The following ENOX1 variants were observed in gnomAD, a reference collection of about 807,000 sequenced individuals.
ENOX1 encodes ecto-NOX disulfide-thiol exchanger 1, also known as candidate growth-related and time keeping constitutive hydroquinone (NADH) oxidase.
Under a neutral mutation model 82.5 loss-of-function variants are expected in ENOX1, and 42 were observed. That is an observed-to-expected ratio of 0.51 (90% confidence interval 0.40 to 0.66). The LOEUF (loss-of-function observed/expected upper bound fraction) is 0.66, where lower values mean the gene tolerates loss of function less well. Ranked by LOEUF, ENOX1 falls within the 30% of genes least tolerant of loss-of-function variation. The pLI is 0.00. For missense variants in ENOX1, 608 were observed against 811.6 expected, an observed-to-expected ratio of 0.75 and a Z score of 3.05; for synonymous variants, 271 against 282.2, an observed-to-expected ratio of 0.96 and a Z score of 0.40.
intron 2 of ENOX1, among the ~76,000 whole-genome samples, chr13:43,494,998 T>G (rs1405928823): frequency 6.6e-6 from 1 of 152,024 alleles, no homozygotes; most frequent in Middle Eastern, 3.2e-3. Flanking sequence ...AATGTGGAGA[T>G]TCAAGAGGGG....
At chr13:43,602,090 A>C (rs1202654516) in intron 2 of ENOX1, among the ~76,000 whole-genome samples, 1 of 152,144 alleles carries the variant, frequency 6.6e-6, no homozygotes, top group Non-Finnish European at 1.5e-5. Flanking sequence ...TGAAACAAAT[A>C]ATATTTTTAG....
chr13:43,684,747 A>C (rs1404341456), intron 1 of ENOX1, among the ~76,000 whole-genome samples: 1 of 152,342 alleles, frequency 6.6e-6, no homozygotes, highest in East Asian at 1.9e-4. Flanking sequence ...GGAACAAGTA[A>C]GAGCTAAACT....
chr13:43,275,868 A>G (rs1474755452), intron 12 of ENOX1, among the ~76,000 whole-genome samples: 1 of 152,158 alleles, frequency 6.6e-6, no homozygotes, highest in South Asian at 2.1e-4. Context: ...TACAATGGCT[A>G]TAACTAGTAT....
In ENOX1 at chr13:43,343,713, C is replaced by A. The variant is rs78226044; in HGVS notation, c.1036+825G>T. Among the ~76,000 whole-genome samples the A allele has an allele frequency of 1.3e-3, 195 of 152,202 alleles. 4 individuals are homozygous for A. In the East Asian group the frequency reaches 0.025, roughly 19 times the overall value. Reference sequence around the variant, plus strand: ...GAAATATACATCCCATATGTCACTACCACATAGGGCCCTGCACCTGGTATG... The same window carrying A: ...GAAATATACATCCCATATGTCACTAACACATAGGGCCCTGCACCTGGTATG... On this transcript the variant is annotated intron_variant, in intron 9 of 16. Transcript: ENST00000690772.
At chr13:43,608,222 TG>T (rs1270775264) in intron 2 of ENOX1, among the ~76,000 whole-genome samples, 2 of 152,252 alleles carry the variant, frequency 1.3e-5, no homozygotes, top group African/African-American at 2.4e-5. Context: ...GTGTCATTTC[TG>T]GTTGAATTTC....
At chr13:43,496,079 T>C (rs1030686727) in intron 2 of ENOX1, among the ~76,000 whole-genome samples, 5 of 152,160 alleles carry the variant, frequency 3.3e-5, no homozygotes, top group African/African-American at 7.2e-5. Flanking sequence ...TTTTCATACA[T>C]ATGTATTGCA....
At chr13:43,778,598 G>A (rs1952062665) in intron 1 of ENOX1, among the ~76,000 whole-genome samples, 1 of 152,142 alleles carries the variant, frequency 6.6e-6, no homozygotes, top group African/African-American at 2.4e-5. Flanking sequence ...ACAAAATGAT[G>A]CACCACAGAT....
At chr13:43,715,172 C>T (rs962465658) in intron 1 of ENOX1, among the ~76,000 whole-genome samples, 7 of 152,156 alleles carry the variant, frequency 4.6e-5, no homozygotes, top group African/African-American at 1.7e-4. Flanking sequence ...ACTTATGAAG[C>T]TTAGTTTGGC....
chr13:43,263,392 T>C (rs1187716651), intron 14 of ENOX1, among the ~76,000 whole-genome samples: 1 of 152,228 alleles, frequency 6.6e-6, no homozygotes, highest in African/African-American at 2.4e-5. Context: ...TCAACAGTCA[T>C]TGCTTTGAGT....
chr13:43,542,770 A>G (rs2078798963), intron 2 of ENOX1, among the ~76,000 whole-genome samples: 1 of 152,170 alleles, frequency 6.6e-6, no homozygotes, highest in Non-Finnish European at 1.5e-5. Context: ...GCTGTAATAC[A>G]ATACTGTACA....
chr13:43,271,680 C>A (rs1376770770), intron 12 of ENOX1, among the ~76,000 whole-genome samples: 1 of 151,836 alleles, frequency 6.6e-6, no homozygotes. Flanking sequence ...CACACACACA[C>A]ACACACAAGC....
chr13:43,220,901 T>C (rs958473653), intron 16 of ENOX1, among the ~76,000 whole-genome samples: 5 of 152,184 alleles, frequency 3.3e-5, no homozygotes, highest in African/African-American at 1.2e-4. Flanking sequence ...CCTCATCACC[T>C]GGTTATAGTC....
At chr13:43,617,107 C>T (rs67710647) in intron 2 of ENOX1, among the ~76,000 whole-genome samples, 22,416 of 152,122 alleles carry the variant, frequency 0.15, 2,063 homozygotes, top group East Asian at 0.39. Flanking sequence ...AAATTGCTGT[C>T]CTGCCCACCA....
intron 5 of ENOX1, among the ~76,000 whole-genome samples, chr13:43,373,861 C>T (rs1458340628): frequency 1.3e-5 from 2 of 152,162 alleles, no homozygotes. Flanking sequence ...ACTAATTTAT[C>T]CTTTTGAGCT....
chr13:43,514,531 A>C (rs9533514), intron 2 of ENOX1, among the ~76,000 whole-genome samples: 52,991 of 151,932 alleles, frequency 0.35, 10,978 homozygotes, highest in East Asian at 0.81. Flanking sequence ...GGAATGATGA[A>C]GATGCTTGGC....
At chr13:43,718,979 T>C (rs2088359747) in intron 1 of ENOX1, among the ~76,000 whole-genome samples, 2 of 152,134 alleles carry the variant, frequency 1.3e-5, no homozygotes, top group African/African-American at 2.4e-5. Context: ...ATTCCATACA[T>C]AGGAAAAAAT....
intron 7 of ENOX1, among the ~76,000 whole-genome samples, chr13:43,359,395 A>G (rs1352180330): frequency 6.6e-6 from 1 of 152,222 alleles, no homozygotes; most frequent in African/African-American, 2.4e-5. Context: ...CCAACGAGGC[A>G]ATGATACTGG....
intron 8 of ENOX1, 119 bp from the exon 9 acceptor site, chr13:43,344,869 C>A: frequency 2.1e-6 from 2 of 974,076 alleles, no homozygotes; most frequent in Non-Finnish European, 3.0e-6. Flanking sequence ...CAGAACTCAG[C>A]AAGTTAGCTT....
chr13:43,419,700 G>A (rs201415074), intron 3 of ENOX1, among the ~76,000 whole-genome samples: 456 of 152,250 alleles, frequency 3.0e-3, no homozygotes, highest in African/African-American at 0.011. Flanking sequence ...GGCCAGGCAC[G>A]GTGGCTCATG....
Sources: gnomAD v4.1 joint callset for allele counts (sites outside exome capture counted in the v4.1 genomes callset) on GRCh38, gnomAD v4.1.1 for gene constraint, MANE v1.5 for transcripts, NCBI Gene and HGNC (gene_info 2026-07-23, HGNC 2026-07-21) for gene names.